The following PHACTR2 variants were observed in gnomAD, a reference collection of about 807,000 sequenced individuals.
The protein encoded by PHACTR2 is chromosome 6 open reading frame 56.
PHACTR2 carries 30 observed loss-of-function variants against 76.0 expected under a neutral mutation model. The observed-to-expected ratio is 0.39, with a 90% CI of 0.30 to 0.54. PHACTR2 has a LOEUF of 0.54. Ranked by LOEUF, PHACTR2 falls within the 20% of genes least tolerant of loss-of-function variation. The pLI, the probability that PHACTR2 is intolerant of heterozygous loss-of-function variation, is 0.61. For synonymous variants in PHACTR2, 292 were observed against 292.5 expected, an observed-to-expected ratio of 1.00 and a Z score of 0.02; for missense variants, 696 against 781.1, an observed-to-expected ratio of 0.89 and a Z score of 1.30.
At position 143,548,207 on chromosome 6, in the gene PHACTR2, C is replaced by A. The variant is rs1775038250; in HGVS notation, c.217+11000C>A. 6.6e-6 allele frequency among the ~76,000 whole-genome samples: 1 copy of A among 152,164 alleles called. No individual in the cohort carries two copies. Among genetic ancestry groups the A allele is most frequent in the Non-Finnish European group, 1.5e-5 (1 of 68,028 alleles). Reference sequence around the variant, plus strand: ...ACATGGCAGAGGGAGGAAGAAAGCTCTCTGTGAGCTCCTATAATGACACTA... The same window carrying A: ...ACATGGCAGAGGGAGGAAGAAAGCTATCTGTGAGCTCCTATAATGACACTA... On this transcript the variant is annotated intron_variant, in intron 1 of 11. Coordinates refer to the PHACTR2 transcript ENST00000367584. The surrounding 1 kb of genome is among the most constrained non-coding windows in gnomAD (Gnocchi z 4.5).
Position 143,794,281 on chromosome 6 carries a change from G to A in PHACTR2, c.1845+5371G>A, listed in dbSNP as rs1444674854. On this transcript the variant is annotated intron_variant, in intron 11 of 12. Coordinates refer to ENST00000440869, the MANE Select transcript of PHACTR2 (RefSeq NM_001100164.2). This position sits in a 1 kb window ranked among gnomAD's most constrained non-coding sequence, Gnocchi z 4.1. ...ACATGCTAATCACCATTATTAACAA[G>A]CATTTCTGGTTTTTGTTGCTTTTTA... 6.6e-6 allele frequency among the ~76,000 whole-genome samples: 1 copy of A among 150,844 alleles called. No individual in the cohort carries two copies. Among genetic ancestry groups the A allele is most frequent in the African/African-American group, 2.4e-5 (1 of 41,206 alleles).
intron 7 of PHACTR2, 83 bp from the exon 8 acceptor site, chr6:143,773,976 T>C (rs538786104): frequency 8.3e-7 from 1 of 1,210,678 alleles, no homozygotes; most frequent in African/African-American, 1.5e-5. Context: ...CTGGGCTCTA[T>C]TTAAAGTCCA....
chr6:143,607,835 A>C (rs966834716), upstream of PHACTR2, among the ~76,000 whole-genome samples: 84 of 152,240 alleles, frequency 5.5e-4, 3 homozygotes. Context: ...ATAAAGGCTG[A>C]ACCATATTTA....
chr6:143,704,458 C>T (rs924407350), intron 1 of PHACTR2, among the ~76,000 whole-genome samples: 2 of 152,124 alleles, frequency 1.3e-5, no homozygotes, highest in Non-Finnish European at 2.9e-5. Context: ...CCCCTTCGAG[C>T]GGACTTCCTC....
chr6:143,771,166 ATATATATG>A (rs1562300685), intron 6 of PHACTR2, among the ~76,000 whole-genome samples: 7 of 27,672 alleles, frequency 2.5e-4, no homozygotes, highest in African/African-American at 1.4e-3. Context: ...ATGTATATAT[ATATATATG>A]TATATATATA....
At chr6:143,638,587 A>ACACT (rs1474285842) in intron 1 of PHACTR2, among the ~76,000 whole-genome samples, 5 of 150,544 alleles carry the variant, frequency 3.3e-5, no homozygotes, top group African/African-American at 4.9e-5. Flanking sequence ...ACACACACAC[A>ACACT]CACACACACA....
intron 6 of PHACTR2, among the ~76,000 whole-genome samples, chr6:143,771,727 G>A (rs867079693): frequency 9.9e-5 from 15 of 152,020 alleles, no homozygotes; most frequent in Non-Finnish European, 2.2e-4. Context: ...GTGAGCCACC[G>A]AACCCAGCCA....
rs1426988308 is a variant in PHACTR2 at position 143,563,559 on chromosome 6, A to AAAAAC, written c.217+26356_217+26357insCAAAA. ...CGACACAAACTCCGTCTCAAAAAAA[A>AAAAAC]AAAAAAAAAAAAGAAGAAACCCTGT... On this transcript the variant is annotated intron_variant, in intron 1 of 11. Coordinates refer to the PHACTR2 transcript ENST00000367584. Among the ~76,000 whole-genome samples, 68 of 142,684 alleles carry AAAAAC rather than the reference A, an allele frequency of 4.8e-4. 1 individual carries two copies. The highest frequency in any genetic ancestry group is 1.8e-3 in the African/African-American group (61 of 33,954). 93.6% of individuals were successfully genotyped at this position (142,684 alleles called of 152,430 possible).
In PHACTR2 at chr6:143,753,969, C is replaced by A; in HGVS notation, c.454+57C>A. The A allele has an allele frequency of 8.0e-7, 1 of 1,247,992 alleles. No individual in the cohort carries two copies. Among genetic ancestry groups the A allele is most frequent in the Non-Finnish European group, 1.1e-6 (1 of 919,658 alleles). The allele number at this position is 1,247,992 out of a possible 1,614,324, so 77.3% of individuals were successfully genotyped here. A position where few individuals can be genotyped will look rare whatever the true frequency, so the allele number is the denominator to read the frequency against. ...TTAGTATATAGCTCAATGTCTAGAA[C>A]CAGCACTTAGGCTCCAACTAGTGAC... On this transcript the variant is annotated intron_variant, in intron 4 of 12. Transcript: ENST00000440869. The surrounding 1 kb of genome is among the most constrained non-coding windows in gnomAD (Gnocchi z 4.6).
chr6:143,575,806 T>C (rs1775499533), intron 1 of PHACTR2, among the ~76,000 whole-genome samples: 2 of 152,346 alleles, frequency 1.3e-5, no homozygotes, highest in South Asian at 2.1e-4. Context: ...CCAGTCCCTA[T>C]TGGGGTAAAT....
Position 143,830,694 on chromosome 6 carries a change from A to G in PHACTR2, c.*7005A>G, listed in dbSNP as rs981370936. The G allele has an allele frequency of 1.3e-5, 2 of 152,216 alleles. No individual in the cohort carries two copies. Among genetic ancestry groups the G allele is most frequent in the South Asian group, 2.1e-4 (1 of 4,834 alleles). 9.4% of individuals were successfully genotyped at this position (152,216 alleles called of 1,614,324 possible). ...GCAAAATTCTGCTCTATTTAGTTGTATAATATTAGAGGATACTTTGCTGTG... is the reference window on the plus strand; with the variant it reads ...GCAAAATTCTGCTCTATTTAGTTGTGTAATATTAGAGGATACTTTGCTGTG... On this transcript the variant is annotated 3_prime_UTR_variant, in exon 13 of 13. Coordinates refer to ENST00000440869, the MANE Select transcript of PHACTR2 (RefSeq NM_001100164.2).
At chr6:143,608,080 C>T, upstream of PHACTR2, 1 of 573,882 alleles carries the variant, frequency 1.7e-6, no homozygotes, top group Non-Finnish European at 3.1e-6. This position sits in a 1 kb window ranked among gnomAD's most constrained non-coding sequence, Gnocchi z 4.6. Context: ...TTCAAGTACC[C>T]ACTTGATAGG....
rs939586564 is a variant in PHACTR2, at chr6:143,755,895, G to C, written c.454+1983G>C. On this transcript the variant is annotated intron_variant, in intron 4 of 12. Coordinates refer to ENST00000440869, the MANE Select transcript of PHACTR2 (RefSeq NM_001100164.2). This position sits in a 1 kb window ranked among gnomAD's most constrained non-coding sequence, Gnocchi z 5.2. ...CTAGAAAAACATTTTTCATTCTGAAGACCAACTCAAGCTTCACTTTTGCCT... is the reference window on the plus strand; with the variant it reads ...CTAGAAAAACATTTTTCATTCTGAACACCAACTCAAGCTTCACTTTTGCCT... Among the ~76,000 whole-genome samples the C allele has an allele frequency of 6.6e-6, 1 of 152,036 alleles. No individual in the cohort carries two copies. Among genetic ancestry groups the C allele is most frequent in the Non-Finnish European group, 1.5e-5 (1 of 68,032 alleles).
At chr6:143,565,005 C>A (rs1018375780) in intron 1 of PHACTR2, among the ~76,000 whole-genome samples, 24 of 152,116 alleles carry the variant, frequency 1.6e-4, no homozygotes, top group African/African-American at 5.8e-4. Flanking sequence ...ACATTGATCA[C>A]CATCAGCAGA....
intron 2 of PHACTR2, among the ~76,000 whole-genome samples, chr6:143,716,923 C>T (rs1203121841): frequency 6.6e-6 from 1 of 152,134 alleles, no homozygotes; most frequent in Admixed American, 6.5e-5. Context: ...GCACCCGTCT[C>T]CCCTCTTGCC....
At position 143,821,086 on chromosome 6, in the gene PHACTR2, C is replaced by A. The variant is rs1053065872; in HGVS notation, c.1923-2588C>A. Among the ~76,000 whole-genome samples, 1 of 152,248 alleles carries A rather than the reference C, an allele frequency of 6.6e-6. No homozygotes were observed. Among genetic ancestry groups the A allele is most frequent in the African/African-American group, 2.4e-5 (1 of 41,476 alleles). ...AATGTCCTGAGGCTGCACGAGGCAG[C>A]AGGGCCCTTGACCTGGCCCTCGAAA... is the stretch of plus-strand genomic sequence containing the variant. On this transcript the variant is annotated intron_variant, in intron 12 of 12. Coordinates refer to ENST00000440869, the MANE Select transcript of PHACTR2 (RefSeq NM_001100164.2). The surrounding 1 kb of genome is among the most constrained non-coding windows in gnomAD (Gnocchi z 5.2).
chr6:143,580,589 C>A lies in PHACTR2; in HGVS notation c.217+43382C>A, dbSNP rs1445365115. ...TTGGGAGGCTGAGGCAGGAGAATTG[C>A]TTGAACCCGGGAGGCAGAGGTTGCA... On this transcript the variant is annotated intron_variant, in intron 1 of 11. Coordinates refer to the PHACTR2 transcript ENST00000367584. The surrounding 1 kb of genome is among the most constrained non-coding windows in gnomAD (Gnocchi z 4.2). 6.6e-6 allele frequency among the ~76,000 whole-genome samples: 1 copy of A among 152,182 alleles called. No individual in the cohort carries two copies. The highest frequency in any genetic ancestry group is 2.4e-5 in the African/African-American group (1 of 41,442).
upstream of PHACTR2, among the ~76,000 whole-genome samples, chr6:143,677,808 G>A (rs1258822487): frequency 3.3e-5 from 5 of 152,154 alleles, no homozygotes; most frequent in Admixed American, 1.3e-4. Context: ...ACCACCCTGA[G>A]GGGGTGCGGG....
intron 2 of PHACTR2, among the ~76,000 whole-genome samples, chr6:143,714,425 A>G (rs1778255729): frequency 6.6e-6 from 1 of 152,238 alleles, no homozygotes; most frequent in African/African-American, 2.4e-5. Flanking sequence ...ACACTAATTT[A>G]TTAATGCATT....
Sources: gnomAD v4.1 joint callset for allele counts (sites outside exome capture counted in the v4.1 genomes callset) on GRCh38, gnomAD v4.1.1 for gene constraint, Gnocchi (gnomAD v3.1) non-coding constraint, MANE v1.5 for transcripts, NCBI Gene and HGNC (gene_info 2026-07-23, HGNC 2026-07-21) for gene names.